The following STK4 variants were observed in gnomAD, a reference collection of about 807,000 sequenced individuals.
STK4 encodes serine/threonine kinase 4.
In STK4, 30 loss-of-function variants were observed where a neutral mutation model predicts 64.9. That is an observed-to-expected ratio of 0.46 (90% CI 0.35 to 0.63). STK4 has a LOEUF of 0.63. Ranked by LOEUF, STK4 falls within the 20% of genes least tolerant of loss-of-function variation. The pLI is 0.01. For synonymous variants in STK4, 177 were observed against 199.0 expected (o/e 0.89, Z 0.93); for missense variants, 466 against 598.5 (o/e 0.78, Z 2.31).
intron 10 of STK4, among the ~76,000 whole-genome samples, chr20:45,072,332 A>G (rs955525673): frequency 2.6e-5 from 4 of 152,234 alleles, no homozygotes; most frequent in African/African-American, 2.4e-5. Flanking sequence ...GTGCAGCTCC[A>G]CTAACTTATA....
chr20:44,996,563 C>T (rs1279571389), intron 6 of STK4, among the ~76,000 whole-genome samples: 2 of 152,104 alleles, frequency 1.3e-5, no homozygotes, highest in Non-Finnish European at 2.9e-5. Flanking sequence ...TAGTGTTTTA[C>T]TTTTCAAAAA....
chr20:45,011,727 ATATTTTTTT>A (rs1287979269), intron 9 of STK4, among the ~76,000 whole-genome samples: 6 of 107,392 alleles, frequency 5.6e-5, no homozygotes, highest in Non-Finnish European at 7.8e-5. Flanking sequence ...ATATATATAT[ATATTTTTTT>A]TTTTTTTTTT....
intron 10 of STK4, among the ~76,000 whole-genome samples, chr20:45,074,625 C>T (rs943616701): frequency 7.9e-5 from 12 of 152,038 alleles, no homozygotes; most frequent in African/African-American, 2.2e-4. Flanking sequence ...ACGCTTATCT[C>T]GTAGACAGAA....
intron 2 of STK4, among the ~76,000 whole-genome samples, chr20:44,978,087 A>G (rs2067370434): frequency 6.6e-6 from 1 of 152,154 alleles, no homozygotes; most frequent in African/African-American, 2.4e-5. Context: ...ACCTTTTTAC[A>G]TTTACCTGTA....
intron 9 of STK4, among the ~76,000 whole-genome samples, chr20:45,009,843 G>A (rs1200107381): frequency 6.6e-6 from 1 of 152,108 alleles, no homozygotes; most frequent in Non-Finnish European, 1.5e-5. Flanking sequence ...GCCATTGTTT[G>A]TGTATAGAAA....
At chr20:45,058,106 C>A (rs1363652438) in intron 10 of STK4, among the ~76,000 whole-genome samples, 1 of 151,158 alleles carries the variant, frequency 6.6e-6, no homozygotes, top group Non-Finnish European at 1.5e-5. Context: ...CCTATCTAGA[C>A]CTATTTTATG....
chr20:45,023,493 G>A (rs1045465926), intron 9 of STK4, among the ~76,000 whole-genome samples: 44 of 152,092 alleles, frequency 2.9e-4, no homozygotes, highest in Non-Finnish European at 4.9e-4. Context: ...TGAGCCTTCT[G>A]GTTGTTTTTC....
intron 10 of STK4, among the ~76,000 whole-genome samples, chr20:45,045,042 T>C (rs1002398360): frequency 6.6e-6 from 1 of 152,230 alleles, no homozygotes. Context: ...ATCACTTATT[T>C]TTATTTCACA....
chr20:44,997,100 A>T (rs1338130996), intron 6 of STK4, 69 bp from the exon 7 acceptor site: 1 of 1,597,212 alleles, frequency 6.3e-7, no homozygotes, highest in Non-Finnish European at 8.6e-7. Context: ...GTAATTCCAC[A>T]TGTATTTTTT....
chr20:45,073,147 T>C (rs1980222350), intron 10 of STK4, among the ~76,000 whole-genome samples: 1 of 152,198 alleles, frequency 6.6e-6, no homozygotes, highest in South Asian at 2.1e-4. Context: ...ATTCTCTCTT[T>C]GCAGAAGGAA....
At chr20:44,981,729 A>C in intron 3 of STK4, 100 bp from the exon 4 acceptor site, 1 of 668,232 alleles carries the variant, frequency 1.5e-6, no homozygotes, top group South Asian at 2.1e-5. Flanking sequence ...TGAATAATTG[A>C]TCTTTCCAGA....
At chr20:44,998,149 GT>G (rs2067769236) in intron 7 of STK4, among the ~76,000 whole-genome samples, 2 of 152,264 alleles carry the variant, frequency 1.3e-5, no homozygotes, top group Non-Finnish European at 2.9e-5. Flanking sequence ...TGCAAAAAGT[GT>G]TTTCCTGGAG....
Position 45,000,435 on chromosome 20 carries a change from A to T in STK4, c.875A>T (p.Asp292Val), listed in dbSNP as rs569736817. 6.2e-7 allele frequency: 1 copy of T among 1,614,060 alleles called. No individual in the cohort carries two copies. Among genetic ancestry groups the T allele is most frequent in the South Asian group, 1.1e-5 (1 of 91,074 alleles). Residue 292 changes from aspartate to valine, a missense_variant, in exon 8 of 11, where the codon GAC becomes GTC. This residue lies in a region of STK4 where 276 missense variants were observed against 308.9 expected (regional missense o/e 0.89). Transcript: ENST00000372806. ...GCCAAAGGAGTGTCAATACTGCGAG[A>T]CTTAATTAATGAAGCCATGGATGTG... ...RSAKGVSILR[D>V]LINEAMDVKL... is the part of the protein sequence containing the mutation.
intron 5 of STK4, 26 bp downstream of exon 5, chr20:44,987,322 A>G: frequency 7.6e-6 from 12 of 1,587,036 alleles, no homozygotes; most frequent in Non-Finnish European, 1.0e-5. Context: ...ACTTGTATTG[A>G]TAATTTTCAT....
intron 9 of STK4, among the ~76,000 whole-genome samples, chr20:45,002,044 G>GT (rs2067851108): frequency 6.6e-6 from 1 of 152,170 alleles, no homozygotes; most frequent in Non-Finnish European, 1.5e-5. Context: ...TAAATGCCAT[G>GT]TACTAGATTG....
intron 10 of STK4, among the ~76,000 whole-genome samples, chr20:45,046,316 TCC>T (rs2068694371): frequency 6.6e-6 from 1 of 151,188 alleles, no homozygotes. Context: ...GTACCTGTAG[TCC>T]CAGCTACTCA....
chr20:44,972,100 G>A lies in STK4; in HGVS notation c.58G>A (p.Asp20Asn). 6.2e-7 allele frequency: 1 copy of A among 1,613,956 alleles called. No individual in the cohort carries two copies. The highest frequency in any genetic ancestry group is 8.5e-7 in the Non-Finnish European group (1 of 1,179,946). Residue 20 changes from aspartate (D) to asparagine (N), a missense_variant, in exon 2 of 11, where the codon GAT becomes AAT. Around this residue, in one of 2 missense-constraint regions of STK4, gnomAD observed 190 missense variants for 289.7 expected, o/e 0.66. Coordinates refer to ENST00000372806, the MANE Select transcript of STK4 (RefSeq NM_006282.5). ...PRRQLKKLDE[D>N]SLTKQPEEVF... is the part of the protein sequence containing the mutation. ...CAGGCAGCTGAAAAAGTTGGATGAA[G>A]ATAGTTTAACCAAACAACCAGAAGA...
chr20:45,051,914 G>C (rs543442188), intron 10 of STK4, among the ~76,000 whole-genome samples: 28 of 152,256 alleles, frequency 1.8e-4, no homozygotes, highest in African/African-American at 6.5e-4. Flanking sequence ...TGTCTTATCT[G>C]TCAAACATGG....
At chr20:45,011,725 ATATATTTTTTTTTTT>A (rs935815018) in intron 9 of STK4, among the ~76,000 whole-genome samples, 15 of 106,960 alleles carry the variant, frequency 1.4e-4, no homozygotes, top group African/African-American at 4.6e-4. Flanking sequence ...ATATATATAT[ATATATTTTTTTTTTT>A]TTTTTTAAGT....
Sources: gnomAD v4.1 joint callset for allele counts (sites outside exome capture counted in the v4.1 genomes callset) on GRCh38, gnomAD v4.1.1 for gene constraint, gnomAD v4.1.1 regional missense constraint, MANE v1.5 for transcripts, NCBI Gene and HGNC (gene_info 2026-07-23, HGNC 2026-07-21) for gene names.